The following DSG1 variants were observed in gnomAD, a reference collection of about 807,000 sequenced individuals.
DSG1 encodes the protein desmoglein 1, also known as desmoglein-1.
In DSG1, 39 loss-of-function variants were observed where a neutral mutation model predicts 97.5. That is an observed-to-expected ratio of 0.40 (90% confidence interval 0.31 to 0.52). The LOEUF (loss-of-function observed/expected upper bound fraction) is 0.52. Among genes scored for constraint, DSG1 ranks in the 20% least tolerant of loss-of-function variants. The probability of loss-of-function intolerance (pLI) is 0.53; values close to 1 mark genes in which losing one functional copy is unlikely to be tolerated. For synonymous variants in DSG1, 475 were observed against 443.4 expected (o/e 1.07, Z -0.90); for missense variants, 1,311 against 1,295.4 (o/e 1.01, Z -0.18).
chr18:31,354,987 T>C lies in DSG1; in HGVS notation c.2791T>C (p.Ser931Pro), dbSNP rs144825489. 1.5e-4 allele frequency: 248 copies of C among 1,614,144 alleles called. No individual in the cohort carries two copies. The African/African-American group carries it at 3.0e-3, about 20-fold the overall frequency. The change falls in exon 15 of 15, where the codon TCC becomes CCC. Residue 931 changes from serine (S) to proline (P), a missense_variant. Around this residue, in one of 3 missense-constraint regions of DSG1, gnomAD observed 1,038 missense variants for 964.6 expected, o/e 1.08. Transcript: ENST00000257192. ...VVTERVIQPT[S>P]GMIGSLSMHP... is the part of the protein sequence containing the mutation. ...GACAGAAAGAGTAATCCAACCAACT[T>C]CCGGCATGATAGGTAGTCTGAGTAT...
rs1330590159 is a variant in DSG1 at position 31,354,873 on chromosome 18, A to G, written c.2677A>G (p.Ile893Val). The part of the protein sequence containing the change: ...MPDLRDGSNV[I>V]VTERVIAPSS... Reference sequence around the variant, plus strand: ...TGACTTGCGAGATGGGTCGAATGTTATAGTGACAGAAAGGGTAATAGCACC... The same window carrying G: ...TGACTTGCGAGATGGGTCGAATGTTGTAGTGACAGAAAGGGTAATAGCACC... The change falls in exon 15 of 15, where the codon ATA becomes GTA. Residue 893 changes from isoleucine to valine, a missense_variant. Physicochemically the swap from Ile to Val is conservative, Grantham distance 29 (BLOSUM62 3). Transcript: ENST00000257192. 3 of 1,614,194 alleles carry G rather than the reference A, an allele frequency of 1.9e-6. No individual in the cohort carries two copies. Among genetic ancestry groups the G allele is most frequent in the Middle Eastern group, 1.6e-4 (1 of 6,062 alleles).
chr18:31,325,641 A>C (rs2071681115), intron 1 of DSG1, among the ~76,000 whole-genome samples: 2 of 151,908 alleles, frequency 1.3e-5, no homozygotes, highest in African/African-American at 2.4e-5. Flanking sequence ...CTATTGTCGT[A>C]TGTAAATATC....
At chr18:31,336,643 T>C in intron 9 of DSG1, 30 bp downstream of exon 9, 1 of 1,612,274 alleles carries the variant, frequency 6.2e-7, no homozygotes, top group Non-Finnish European at 8.5e-7. Context: ...CTAATTTTCC[T>C]TACATATTGA....
intron 1 of DSG1, 130 bp from the exon 2 acceptor site, chr18:31,326,451 T>G (rs2071686313): frequency 1.4e-6 from 1 of 738,454 alleles, no homozygotes; most frequent in Non-Finnish European, 2.2e-6. Context: ...CCACCTGCTA[T>G]TTGGCTGATA....
At chr18:31,322,512 G>A (rs181406931) in intron 1 of DSG1, among the ~76,000 whole-genome samples, 22 of 152,252 alleles carry the variant, frequency 1.4e-4, no homozygotes, top group African/African-American at 5.1e-4. Flanking sequence ...CATTCAGTAT[G>A]TACTTGTAAA....
chr18:31,343,310 C>CTTGT, intron 11 of DSG1, 140 bp from the exon 12 acceptor site: 3 of 1,207,464 alleles, frequency 2.5e-6, no homozygotes, highest in Non-Finnish European at 3.7e-6. Flanking sequence ...CATCATTCAG[C>CTTGT]TTGTATTCTG....
At chr18:31,344,185 T>G (rs1446092205) in intron 13 of DSG1, among the ~76,000 whole-genome samples, 190 bp downstream of exon 13, 1 of 152,194 alleles carries the variant, frequency 6.6e-6, no homozygotes, top group Non-Finnish European at 1.5e-5. Flanking sequence ...TATGCTTCAT[T>G]TTAAAAATTT....
In DSG1 at chr18:31,332,656, A is replaced by G. The variant is rs542518345; in HGVS notation, c.684+789A>G. 6.6e-5 allele frequency among the ~76,000 whole-genome samples: 10 copies of G among 152,230 alleles called. 1 individual carries two copies. The East Asian group carries it at 1.9e-3, about 29-fold the overall frequency. On this transcript the variant is annotated intron_variant, in intron 6 of 14. Coordinates refer to ENST00000257192, the MANE Select transcript of DSG1 (RefSeq NM_001942.4). ...TGAGGAAGCTTTATTTTCTGATGGT[A>G]TTCAATTAATTTTGTTTTAATTATT...
intron 11 of DSG1, among the ~76,000 whole-genome samples, chr18:31,343,071 C>G (rs191255895): frequency 2.6e-4 from 40 of 151,924 alleles, no homozygotes; most frequent in African/African-American, 9.6e-4. Context: ...CCCCCATACA[C>G]GCCTAATTTT....
intron 14 of DSG1, among the ~76,000 whole-genome samples, chr18:31,350,949 T>A (rs1256066521): frequency 6.6e-6 from 1 of 150,536 alleles, no homozygotes; most frequent in Non-Finnish European, 1.5e-5. Context: ...TTTGAAGGGT[T>A]TTTTGTGTCT....
chr18:31,324,672 C>T (rs2071675168), intron 1 of DSG1, among the ~76,000 whole-genome samples: 1 of 152,154 alleles, frequency 6.6e-6, no homozygotes, highest in African/African-American at 2.4e-5. Context: ...TTCTCAAGCC[C>T]TGCCAATGCT....
Position 31,356,487 on chromosome 18 carries a change from A to T in DSG1, c.*1141A>T, listed in dbSNP as rs925250753. On this transcript the variant is annotated 3_prime_UTR_variant, in exon 15 of 15. Coordinates refer to ENST00000257192, the MANE Select transcript of DSG1 (RefSeq NM_001942.4). The stretch of plus-strand genomic sequence containing the variant: ...AACATGTAAAATGTTTAATGGTGAA[A>T]GTTGGAAAAGAATTCTTCTGTAAAG... 1.3e-5 allele frequency: 2 copies of T among 152,152 alleles called. No individual in the cohort carries two copies. Among genetic ancestry groups the T allele is most frequent in the Non-Finnish European group, 2.9e-5 (2 of 68,020 alleles). 9.4% of individuals were successfully genotyped at this position (152,152 alleles called of 1,614,324 possible). A position where few individuals can be genotyped will look rare whatever the true frequency, so the allele number is the denominator to read the frequency against.
intron 4 of DSG1, among the ~76,000 whole-genome samples, chr18:31,328,993 G>A (rs1277557036): frequency 6.6e-6 from 1 of 152,058 alleles, no homozygotes; most frequent in Non-Finnish European, 1.5e-5. Context: ...AGTTGACCTT[G>A]TGACCAACTT....
intron 7 of DSG1, 43 bp from the exon 8 acceptor site, chr18:31,333,974 C>CT (rs113192934): frequency 8.0e-7 from 1 of 1,246,968 alleles, no homozygotes; most frequent in Non-Finnish European, 1.2e-6. Context: ...AGTTCTCTCT[C>CT]TTTCACACAG....
intron 1 of DSG1, among the ~76,000 whole-genome samples, chr18:31,319,609 A>G (rs2071641171): frequency 6.6e-6 from 1 of 152,280 alleles, no homozygotes; most frequent in South Asian, 2.1e-4. Flanking sequence ...CATTTGAAAT[A>G]TGAGAGTTTC....
rs76275716 is a variant in DSG1, at chr18:31,328,068, T to C, written c.217-121T>C. 138 of 967,916 alleles carry C rather than the reference T, an allele frequency of 1.4e-4. No homozygotes were observed. In the African/African-American group the frequency reaches 2.0e-3, roughly 14 times the overall value. The allele number at this position is 967,916 out of a possible 1,614,324, so 60.0% of individuals were successfully genotyped here. On this transcript the variant is annotated intron_variant, in intron 3 of 14. Coordinates refer to ENST00000257192, the MANE Select transcript of DSG1 (RefSeq NM_001942.4). ...CTCTTATCTAGGAAAATAATCTCCA[T>C]TGACAACATTTCCTAAATAACAAGG...
intron 9 of DSG1, 81 bp downstream of exon 9, chr18:31,336,694 G>C (rs1450276034): frequency 2.2e-6 from 3 of 1,373,584 alleles, no homozygotes; most frequent in African/African-American, 1.5e-5. Context: ...ATAAGTATCT[G>C]AGTTAAAATA....
Position 31,338,371 on chromosome 18 carries a change from A to G in DSG1, c.1322A>G (p.Lys441Arg). 1.9e-6 allele frequency: 3 copies of G among 1,613,890 alleles called. No individual in the cohort carries two copies. The highest frequency in any genetic ancestry group is 1.7e-6 in the Non-Finnish European group (2 of 1,179,838). The part of the protein sequence containing the change: ...DLLAVDSRTG[K>R]LTLKNKVTKE... ...CTAGCTGTTGATTCAAGAACAGGCA[A>G]ACTCACTTTGAAAAATAAAGTTACC... Residue 441 changes from lysine to arginine, a missense_variant, in exon 10 of 15, where the codon AAA (lysine) becomes AGA (arginine). Around this residue, in one of 3 missense-constraint regions of DSG1, gnomAD observed 1,038 missense variants for 964.6 expected, o/e 1.08. Transcript: ENST00000257192.
Position 31,354,329 on chromosome 18 carries a change from A to T in DSG1, c.2133A>T (p.Gly711=), listed in dbSNP as rs1015865128. 61 of 1,614,078 alleles carry T rather than the reference A, an allele frequency of 3.8e-5. No homozygotes were observed. Among genetic ancestry groups the T allele is most frequent in the Non-Finnish European group, 5.0e-5 (59 of 1,180,040 alleles). Residue 711 remains glycine (G), a synonymous_variant, in exon 15 of 15, where the codon GGA becomes GGT. Coordinates refer to ENST00000257192, the MANE Select transcript of DSG1 (RefSeq NM_001942.4). ...ATGCTTACGCAGATGAAGATGAAGG[A>T]CGCCCATCTAATGACTGTTTGCTCA... ...KAYAYADEDE[G]RPSNDCLLIY... is the part of the protein sequence containing the mutation.
Sources: allele counts gnomAD v4.1 joint callset (sites outside exome capture counted in the v4.1 genomes callset), GRCh38; gene constraint gnomAD v4.1.1; regional missense constraint gnomAD v4.1.1; transcripts MANE v1.5; gene names NCBI Gene and HGNC (gene_info 2026-07-23, HGNC 2026-07-21).